Variants in CLIC5 observed in about 807,000 individuals in gnomAD.
The protein encoded by CLIC5 is CLIC family member 5, also known as chloride intracellular channel protein 5.
CLIC5 carries 20 observed loss-of-function variants against 24.7 expected under a neutral mutation model. The ratio of observed to expected loss-of-function variants is 0.81; its 90% CI spans 0.57 to 1.18. CLIC5 has a LOEUF of 1.18. CLIC5 is among the 50% of genes most tolerant of loss of function. The pLI is 0.00. For missense variants in CLIC5, 341 were observed against 326.1 expected, an observed-to-expected ratio of 1.05 and a Z score of -0.35; for synonymous variants, 159 against 135.6, an observed-to-expected ratio of 1.17 and a Z score of -1.20.
chr6:45,980,653 A>C (rs1765538139), intron 1 of CLIC5, among the ~76,000 whole-genome samples: 1 of 152,176 alleles, frequency 6.6e-6, no homozygotes, highest in Non-Finnish European at 1.5e-5. Context: ...TAGTGATAAA[A>C]TGTTGTGAAT....
intron 1 of CLIC5, among the ~76,000 whole-genome samples, chr6:46,029,402 T>C (rs1767436122): frequency 2.0e-5 from 3 of 152,166 alleles, no homozygotes; most frequent in Non-Finnish European, 2.9e-5. Context: ...TTTTTCTTAT[T>C]ATCCCCATTT....
At chr6:46,072,129 A>G (rs1480659263) in intron 1 of CLIC5, among the ~76,000 whole-genome samples, 1 of 151,998 alleles carries the variant, frequency 6.6e-6, no homozygotes, top group Non-Finnish European at 1.5e-5. Context: ...AAAATAACTA[A>G]TGGGAATAGG....
the CLIC5 span, among the ~76,000 whole-genome samples, chr6:46,108,032 C>CAAAAAAAAAAAAAAAAAAAA: frequency 6.0e-5 from 2 of 33,306 alleles, no homozygotes; most frequent in Non-Finnish European, 5.3e-5. Flanking sequence ...AAAACTCCAT[C>CAAAAAAAAAAAAAAAAAAAA]AAAAAAAAAA....
chr6:46,099,986 TA>T, the CLIC5 span, among the ~76,000 whole-genome samples: 99 of 143,056 alleles, frequency 6.9e-4, no homozygotes, highest in Middle Eastern at 3.6e-3. Flanking sequence ...CATAAGGCCA[TA>T]AAAAAAAAAA....
At chr6:45,883,246 C>T (rs1426864230) in intron 6 of CLIC5, among the ~76,000 whole-genome samples, 1 of 152,180 alleles carries the variant, frequency 6.6e-6, no homozygotes, top group Non-Finnish European at 1.5e-5. Context: ...AGATTCCCAC[C>T]ACTTGTTAGC....
upstream of CLIC5, among the ~76,000 whole-genome samples, chr6:46,019,976 A>G (rs952471233): frequency 1.3e-5 from 2 of 152,052 alleles, no homozygotes; most frequent in African/African-American, 4.8e-5. Flanking sequence ...TTATAGTTAG[A>G]GACTTCAGTT....
intron 4 of CLIC5, among the ~76,000 whole-genome samples, chr6:45,940,835 C>G (rs571506974): frequency 6.6e-6 from 1 of 152,198 alleles, no homozygotes. Flanking sequence ...CTTAATTGGA[C>G]GGTTCCATTC....
chr6:45,984,383 T>G (rs867587471), intron 1 of CLIC5, among the ~76,000 whole-genome samples: 1 of 152,144 alleles, frequency 6.6e-6, no homozygotes, highest in African/African-American at 2.4e-5. Flanking sequence ...AAGGGACATT[T>G]GACAGGTGCT....
At chr6:46,119,052 C>T in the CLIC5 span, among the ~76,000 whole-genome samples, 5 of 152,270 alleles carry the variant, frequency 3.3e-5, no homozygotes, top group South Asian at 8.3e-4. Flanking sequence ...ATATAGGTGG[C>T]CTCTAGAGGC....
chr6:45,935,568 G>A (rs1025445882), intron 4 of CLIC5, among the ~76,000 whole-genome samples: 1 of 152,212 alleles, frequency 6.6e-6, no homozygotes, highest in Non-Finnish European at 1.5e-5. Context: ...CTCCCTGCAA[G>A]ATTGAAAAAG....
At chr6:45,958,429 TATATATATATATA>T (rs1764723442) in intron 1 of CLIC5, among the ~76,000 whole-genome samples, 1 of 4,658 alleles carries the variant, frequency 2.1e-4, no homozygotes, top group African/African-American at 3.0e-4. Flanking sequence ...CAATTATATA[TATATATATATATA>T]TATATATATA....
At chr6:46,034,618 A>G in intron 1 of CLIC5, among the ~76,000 whole-genome samples, 1 of 152,166 alleles carries the variant, frequency 6.6e-6, no homozygotes, top group Non-Finnish European at 1.5e-5. Context: ...AAAAATTAAA[A>G]AAGGAAAAAG....
At chr6:45,994,515 T>G (rs1766056636) in intron 1 of CLIC5, among the ~76,000 whole-genome samples, 1 of 151,810 alleles carries the variant, frequency 6.6e-6, no homozygotes, top group African/African-American at 2.4e-5. Flanking sequence ...GGGGAGGGAA[T>G]TCAGAGGATG....
intron 1 of CLIC5, among the ~76,000 whole-genome samples, chr6:46,065,467 A>T (rs762004652): frequency 2.0e-5 from 3 of 152,152 alleles, no homozygotes; most frequent in Non-Finnish European, 2.9e-5. Flanking sequence ...CTTACACATA[A>T]ATCTTTATAG....
chr6:46,040,330 G>A (rs1467416814), intron 1 of CLIC5, among the ~76,000 whole-genome samples: 2 of 152,150 alleles, frequency 1.3e-5, no homozygotes, highest in African/African-American at 4.8e-5. Context: ...GTTAATAATG[G>A]TGATAATAGC....
Position 45,902,889 on chromosome 6 carries a change from A to T in CLIC5, c.*199T>A. 1 of 591,552 alleles carries T rather than the reference A, an allele frequency of 1.7e-6. No individual in the cohort carries two copies. Among genetic ancestry groups the T allele is most frequent in the Non-Finnish European group, 2.9e-6 (1 of 339,146 alleles). 36.6% of individuals were successfully genotyped at this position (591,552 alleles called of 1,614,324 possible). A position where few individuals can be genotyped will look rare whatever the true frequency, so the allele number is the denominator to read the frequency against. On this transcript the variant is annotated 3_prime_UTR_variant, in exon 6 of 6. Transcript: ENST00000339561. ...GTGGACTGTGTCTATCATTTCTGCT[A>T]GATTCCTATGTGAGGAGGCCAGGGA... is the stretch of plus-strand genomic sequence containing the variant.
chr6:45,920,406 G>T, intron 4 of CLIC5: 2 of 590,016 alleles, frequency 3.4e-6, no homozygotes, highest in Non-Finnish European at 4.3e-6. Context: ...AATACCTGGA[G>T]CACTGAATGA....
chr6:46,117,939 A>G, the CLIC5 span, among the ~76,000 whole-genome samples: 2 of 152,358 alleles, frequency 1.3e-5, no homozygotes, highest in Admixed American at 1.3e-4. Flanking sequence ...TCAGTGAAAT[A>G]CTGAAACACA....
chr6:45,917,840 G>A (rs1254386952), intron 4 of CLIC5, among the ~76,000 whole-genome samples: 1 of 152,226 alleles, frequency 6.6e-6, no homozygotes, highest in African/African-American at 2.4e-5. Flanking sequence ...CAAGGGGGAT[G>A]TGAAAGAAAC....
Sources: gnomAD v4.1 joint callset for allele counts (sites outside exome capture counted in the v4.1 genomes callset) on GRCh38, gnomAD v4.1.1 for gene constraint, MANE v1.5 for transcripts, NCBI Gene and HGNC (gene_info 2026-07-23, HGNC 2026-07-21) for gene names.